The following IQGAP2 variants were observed in gnomAD, a reference collection of about 807,000 sequenced individuals.
The protein encoded by IQGAP2 is IQ motif containing GTPase activating protein 2.
A neutral mutation model predicts 201.3 loss-of-function variants in IQGAP2; 173 were observed. That is an observed-to-expected ratio of 0.86 (90% CI 0.76 to 0.98). The LOEUF (loss-of-function observed/expected upper bound fraction) is 0.98. Ranked by LOEUF, IQGAP2 falls within the 50% of genes least tolerant of loss-of-function variation. IQGAP2 has a pLI of 0.00. For missense variants in IQGAP2, 1,687 were observed against 1,864.8 expected (o/e 0.90, Z 1.76); for synonymous variants, 675 against 673.9 (o/e 1.00, Z -0.03).
chr5:76,482,870 G>C (rs904417845), intron 2 of IQGAP2, among the ~76,000 whole-genome samples: 1 of 152,104 alleles, frequency 6.6e-6, no homozygotes, highest in Non-Finnish European at 1.5e-5. Context: ...GGTTCTGTTA[G>C]TGCCTGAGTG....
intron 2 of IQGAP2, among the ~76,000 whole-genome samples, chr5:76,466,757 G>A (rs1754805899): frequency 6.6e-6 from 1 of 152,324 alleles, no homozygotes; most frequent in Admixed American, 6.5e-5. Flanking sequence ...CTCTCCAGAA[G>A]AAAACAGGAG....
intron 1 of IQGAP2, among the ~76,000 whole-genome samples, chr5:76,425,887 A>G (rs563009445): frequency 6.6e-6 from 1 of 152,180 alleles, no homozygotes; most frequent in Non-Finnish European, 1.5e-5. Flanking sequence ...TGAGTTGTTC[A>G]TGCATGCTGG....
intron 13 of IQGAP2, among the ~76,000 whole-genome samples, chr5:76,625,786 G>T (rs1750164899): frequency 6.6e-6 from 1 of 152,290 alleles, no homozygotes; most frequent in South Asian, 2.1e-4. Context: ...AGTTTTAAAT[G>T]ACGGAGTCGG....
chr5:76,692,497 T>G (rs72761032), intron 30 of IQGAP2, among the ~76,000 whole-genome samples: 17,294 of 152,202 alleles, frequency 0.11, 1,042 homozygotes, highest in Middle Eastern at 0.13. Context: ...TAATACTGTT[T>G]CCACCTTATG....
chr5:76,677,364 G>A lies in IQGAP2; in HGVS notation c.3660+14G>A, dbSNP rs921287729. On this transcript the variant is annotated intron_variant, in intron 28 of 35. Transcript: ENST00000274364. ...AGCACACACTCAGTAAGTGGGGATG[G>A]GGAGCCATCTTAGCAATGGACCCAT... 6.2e-7 allele frequency: 1 copy of A among 1,612,382 alleles called. No individual in the cohort carries two copies. The highest frequency in any genetic ancestry group is 8.5e-7 in the Non-Finnish European group (1 of 1,179,328).
intron 1 of IQGAP2, among the ~76,000 whole-genome samples, chr5:76,418,950 A>G (rs1751566395): frequency 6.6e-6 from 1 of 152,076 alleles, no homozygotes; most frequent in African/African-American, 2.4e-5. Flanking sequence ...CACGCCCTTG[A>G]CTATTATCCA....
chr5:76,667,014 A>G (rs577378442), intron 22 of IQGAP2, among the ~76,000 whole-genome samples: 3 of 152,268 alleles, frequency 2.0e-5, no homozygotes, highest in Non-Finnish European at 2.9e-5. Flanking sequence ...CTCCTAAAGC[A>G]CTAGGATTGC....
At chr5:76,418,437 C>T (rs1376668538) in intron 1 of IQGAP2, among the ~76,000 whole-genome samples, 1 of 151,954 alleles carries the variant, frequency 6.6e-6, no homozygotes, top group Non-Finnish European at 1.5e-5. Flanking sequence ...GTGGCTCACG[C>T]TTATAATCCC....
At chr5:76,424,961 A>C (rs1033818894) in intron 1 of IQGAP2, among the ~76,000 whole-genome samples, 6 of 152,186 alleles carry the variant, frequency 3.9e-5, no homozygotes, top group African/African-American at 1.4e-4. Flanking sequence ...GCCTTAATGC[A>C]TGCATGCACG....
chr5:76,590,342 A>AAC lies in IQGAP2; in HGVS notation c.641-65_641-64insCA. On this transcript the variant is annotated intron_variant, in intron 7 of 35. Coordinates refer to ENST00000274364, the MANE Select transcript of IQGAP2 (RefSeq NM_006633.5). ...AAACTGCTTGAGTTTACACAGGGTC[A>AAC]ATGCAACTGTCCATGTTGTCTTTTG... 2.4e-6 allele frequency: 3 copies of AAC among 1,244,846 alleles called. No individual in the cohort carries two copies. In the South Asian group the frequency reaches 4.5e-5, roughly 19 times the overall value. 77.1% of individuals were successfully genotyped at this position (1,244,846 alleles called of 1,614,324 possible). A position where few individuals can be genotyped will look rare whatever the true frequency, so the allele number is the denominator to read the frequency against.
chr5:76,640,799 C>T, intron 16 of IQGAP2, 134 bp from the exon 17 acceptor site: 1 of 629,802 alleles, frequency 1.6e-6, no homozygotes, highest in Middle Eastern at 4.7e-4. Context: ...CTCAGCTCTG[C>T]TTAAATTTGT....
intron 2 of IQGAP2, among the ~76,000 whole-genome samples, chr5:76,472,672 G>A (rs1580267307): frequency 6.6e-6 from 1 of 152,336 alleles, no homozygotes; most frequent in Non-Finnish European, 1.5e-5. Context: ...AGCTTTGGAT[G>A]TATGTTGGAC....
intron 3 of IQGAP2, 83 bp downstream of exon 3, chr5:76,562,635 G>A (rs1744463399): frequency 5.5e-6 from 7 of 1,271,220 alleles, no homozygotes; most frequent in Non-Finnish European, 7.8e-6. Flanking sequence ...TTTACTCTTA[G>A]TGTTTCTGTA....
chr5:76,582,545 C>G (rs932400239), intron 5 of IQGAP2, among the ~76,000 whole-genome samples: 41 of 152,280 alleles, frequency 2.7e-4, no homozygotes, highest in African/African-American at 8.4e-4. Flanking sequence ...ATTCATTCCA[C>G]ATGTTATAGT....
chr5:76,470,313 C>T (rs747660681), intron 2 of IQGAP2, among the ~76,000 whole-genome samples: 4 of 152,126 alleles, frequency 2.6e-5, no homozygotes, highest in Non-Finnish European at 5.9e-5. Context: ...TCATTAGAAT[C>T]GAGTTACTAA....
In IQGAP2 at chr5:76,503,928, A is replaced by G. The variant is rs143639063; in HGVS notation, c.146+42259A>G. ...TTTCTTTTAGGCCAGACAGATATTC[A>G]TTTGTGGAGTACAGATATTCTTCTG... is the stretch of plus-strand genomic sequence containing the variant. On this transcript the variant is annotated intron_variant, in intron 2 of 35. Coordinates refer to ENST00000274364, the MANE Select transcript of IQGAP2 (RefSeq NM_006633.5). 2.1e-3 allele frequency among the ~76,000 whole-genome samples: 319 copies of G among 152,258 alleles called. 1 individual carries two copies. Among genetic ancestry groups the G allele is most frequent in the African/African-American group, 7.5e-3 (310 of 41,552 alleles).
At chr5:76,637,716 G>A (rs997742873) in intron 16 of IQGAP2, among the ~76,000 whole-genome samples, 12 of 152,176 alleles carry the variant, frequency 7.9e-5, no homozygotes, top group African/African-American at 2.9e-4. Flanking sequence ...CTTCCGAGAT[G>A]GTCATCTTAG....
At chr5:76,644,380 A>G (rs1751861465) in intron 17 of IQGAP2, among the ~76,000 whole-genome samples, 2 of 140,954 alleles carry the variant, frequency 1.4e-5, no homozygotes, top group South Asian at 4.7e-4. Flanking sequence ...GCTCACTGCA[A>G]CCTCCACCTC....
At chr5:76,629,570 C>A (rs748127273) in intron 14 of IQGAP2, among the ~76,000 whole-genome samples, 14 of 152,266 alleles carry the variant, frequency 9.2e-5, no homozygotes, top group South Asian at 4.1e-4. Flanking sequence ...CCTAAGGAAT[C>A]TTTTTAGACA....
Sources: allele counts gnomAD v4.1 joint callset (sites outside exome capture counted in the v4.1 genomes callset), GRCh38; gene constraint gnomAD v4.1.1; transcripts MANE v1.5; gene names NCBI Gene and HGNC (gene_info 2026-07-23, HGNC 2026-07-21).